KIF6: variants seen among roughly 807,000 people sequenced by gnomAD.
KIF6 encodes kinesin family member 6, also known as kinesin-like protein KIF6.
A neutral mutation model predicts 112.7 loss-of-function variants in KIF6; 106 were observed. The ratio of observed to expected loss-of-function variants is 0.94; its 90% CI spans 0.80 to 1.11. KIF6 has a LOEUF of 1.11. Among genes scored for constraint, KIF6 ranks in the 50% least tolerant of loss-of-function variants. The probability of loss-of-function intolerance (pLI) is 0.00; values close to 1 mark genes in which losing one functional copy is unlikely to be tolerated. For missense variants in KIF6, 929 were observed against 964.0 expected (o/e 0.96, Z 0.48); for synonymous variants, 339 against 339.9 (o/e 1.00, Z 0.03).
chr6:39,553,691 T>C (rs1582120424), intron 10 of KIF6: 1 of 152,366 alleles, frequency 6.6e-6, no homozygotes, highest in African/African-American at 2.4e-5. Context: ...TTTTCATATA[T>C]CCAATTTACT....
At chr6:39,547,381 T>G (rs1779122041) in intron 10 of KIF6, among the ~76,000 whole-genome samples, 1 of 152,234 alleles carries the variant, frequency 6.6e-6, no homozygotes, top group African/African-American at 2.4e-5. Context: ...ACAGTGTGTT[T>G]CCTTTTGGAT....
At chr6:39,529,660 G>A (rs1281608514) in intron 13 of KIF6, among the ~76,000 whole-genome samples, 5 of 152,174 alleles carry the variant, frequency 3.3e-5, no homozygotes, top group East Asian at 1.9e-4. Flanking sequence ...GGTGGTGGGC[G>A]CCTGTAGTCC....
intron 15 of KIF6, among the ~76,000 whole-genome samples, chr6:39,386,949 A>G (rs1363864525): frequency 6.6e-6 from 1 of 152,180 alleles, no homozygotes; most frequent in Non-Finnish European, 1.5e-5. Flanking sequence ...TACATTCTAT[A>G]CCTCCAAGGC....
chr6:39,508,655 G>T (rs546323562), intron 13 of KIF6, among the ~76,000 whole-genome samples: 137 of 152,298 alleles, frequency 9.0e-4, no homozygotes, highest in African/African-American at 3.1e-3. Context: ...AGCTTGGTGG[G>T]GGGAGGGGCT....
At chr6:39,625,905 T>G (rs986567056) in intron 5 of KIF6, among the ~76,000 whole-genome samples, 6 of 152,076 alleles carry the variant, frequency 3.9e-5, no homozygotes, top group Admixed American at 3.9e-4. Context: ...CTGAGGAAAT[T>G]CATGTTTGAC....
chr6:39,535,727 C>T (rs1778379581), intron 13 of KIF6, among the ~76,000 whole-genome samples: 2 of 152,192 alleles, frequency 1.3e-5, no homozygotes, highest in Non-Finnish European at 2.9e-5. Flanking sequence ...TAGACATCTA[C>T]AGAACTCTCC....
At chr6:39,689,109 G>C (rs1582454703) in intron 3 of KIF6, among the ~76,000 whole-genome samples, 1 of 151,538 alleles carries the variant, frequency 6.6e-6, no homozygotes, top group Non-Finnish European at 1.5e-5. Context: ...AGTGTGAGAC[G>C]CTGTCTGCAA....
chr6:39,546,048 T>C lies in KIF6; in HGVS notation c.1182-360A>G, dbSNP rs138597207. On this transcript the variant is annotated intron_variant, in intron 10 of 22. Transcript: ENST00000287152. The stretch of plus-strand genomic sequence containing the variant: ...TTAAATTAATTTCACTAAAAATGCA[T>C]GTGACTCCGCTTCAGCTGGCACCTC... 2.1e-3 allele frequency among the ~76,000 whole-genome samples: 316 copies of C among 152,344 alleles called. 1 individual carries two copies. The highest frequency in any genetic ancestry group is 7.2e-3 in the African/African-American group (300 of 41,578).
chr6:39,586,966 T>A (rs1437536497), intron 7 of KIF6, among the ~76,000 whole-genome samples: 1 of 152,188 alleles, frequency 6.6e-6, no homozygotes, highest in Non-Finnish European at 1.5e-5. Flanking sequence ...TTAAAAGAGT[T>A]AAAATGTGCA....
At chr6:39,448,427 A>G (rs112408501) in intron 13 of KIF6, among the ~76,000 whole-genome samples, 5,290 of 152,198 alleles carry the variant, frequency 0.035, 135 homozygotes, top group African/African-American at 0.049. Context: ...CACCCGCCTC[A>G]TCCTCCCAAG....
chr6:39,491,921 T>C (rs1775502803), intron 13 of KIF6, among the ~76,000 whole-genome samples: 1 of 152,200 alleles, frequency 6.6e-6, no homozygotes, highest in Non-Finnish European at 1.5e-5. Context: ...TTCTCTTAGC[T>C]GCCTATATTA....
chr6:39,481,311 T>C (rs1474634633), intron 13 of KIF6, among the ~76,000 whole-genome samples: 1 of 152,122 alleles, frequency 6.6e-6, no homozygotes, highest in Non-Finnish European at 1.5e-5. Flanking sequence ...ACAAAACCCT[T>C]TACTGTTTAT....
intron 7 of KIF6, among the ~76,000 whole-genome samples, chr6:39,588,869 T>TC: frequency 6.6e-6 from 1 of 152,208 alleles, no homozygotes; most frequent in East Asian, 1.9e-4. Context: ...ACCTCTGGGA[T>TC]CCCTTGCTTG....
At chr6:39,661,742 C>A (rs1047968396) in intron 3 of KIF6, among the ~76,000 whole-genome samples, 24 of 152,244 alleles carry the variant, frequency 1.6e-4, no homozygotes, top group Non-Finnish European at 2.9e-4. Context: ...AATAAAGGCC[C>A]TTTCCGTGAA....
At chr6:39,671,414 C>A (rs1284093644) in intron 3 of KIF6, among the ~76,000 whole-genome samples, 1 of 152,212 alleles carries the variant, frequency 6.6e-6, no homozygotes, top group Non-Finnish European at 1.5e-5. Context: ...TATCCAACAG[C>A]AGCTTCCTAG....
chr6:39,616,207 T>C (rs957883099), intron 5 of KIF6, among the ~76,000 whole-genome samples: 1 of 152,224 alleles, frequency 6.6e-6, no homozygotes, highest in Non-Finnish European at 1.5e-5. Flanking sequence ...GCTAAGCTAC[T>C]TTTTTCTTCT....
intron 2 of KIF6, among the ~76,000 whole-genome samples, chr6:39,718,024 C>G (rs394163): frequency 2.6e-5 from 4 of 151,344 alleles, no homozygotes; most frequent in Non-Finnish European, 5.9e-5. Flanking sequence ...GTCAGGAGTT[C>G]TAGACCAGCC....
At chr6:39,361,876 T>C (rs1458064487) in intron 17 of KIF6, among the ~76,000 whole-genome samples, 1 of 152,116 alleles carries the variant, frequency 6.6e-6, no homozygotes, top group Non-Finnish European at 1.5e-5. Context: ...GCAGGGAAGA[T>C]GACTGTAGTC....
chr6:39,520,089 T>C (rs1028379734), intron 13 of KIF6, among the ~76,000 whole-genome samples: 18 of 152,116 alleles, frequency 1.2e-4, no homozygotes. Flanking sequence ...TGCATGCTAA[T>C]GAATCCATAT....
Sources: allele counts gnomAD v4.1 joint callset (sites outside exome capture counted in the v4.1 genomes callset), GRCh38; gene constraint gnomAD v4.1.1; transcripts MANE v1.5; gene names NCBI Gene and HGNC (gene_info 2026-07-23, HGNC 2026-07-21).